TXNDC15: variants seen among roughly 807,000 people sequenced by gnomAD.
TXNDC15 encodes the protein thioredoxin domain containing 15, also known as thioredoxin domain-containing protein 15.
TXNDC15 carries 24 observed loss-of-function variants against 35.0 expected under a neutral mutation model. The ratio of observed to expected loss-of-function variants is 0.68; its 90% CI spans 0.50 to 0.96. TXNDC15 has a LOEUF of 0.96. Among genes scored for constraint, TXNDC15 ranks in the 40% least tolerant of loss-of-function variants. The pLI is 0.00. For missense variants in TXNDC15, 385 were observed against 453.3 expected, an observed-to-expected ratio of 0.85 and a Z score of 1.37; for synonymous variants, 169 against 174.0, an observed-to-expected ratio of 0.97 and a Z score of 0.23.
At position 134,874,391 on chromosome 5, in the gene TXNDC15, C is replaced by T. The variant is rs373301510; in HGVS notation, c.-37C>T. 9 of 1,529,590 alleles carry T rather than the reference C, an allele frequency of 5.9e-6. No individual in the cohort carries two copies. The highest frequency in any genetic ancestry group is 3.7e-5 in the Admixed American group (2 of 54,062). The allele number at this position is 1,529,590 out of a possible 1,614,324, so 94.8% of individuals were successfully genotyped here. A position where few individuals can be genotyped will look rare whatever the true frequency, so the allele number is the denominator to read the frequency against. ...CCTTCCTCCGGCTGGCAGCACGACT[C>T]GCGTAGCCGTGCGCCGATTGCCTCT... On this transcript the variant is annotated 5_prime_UTR_variant, in exon 1 of 5. Transcript: ENST00000358387.
chr5:134,881,761 C>A (rs1318938727), intron 1 of TXNDC15, among the ~76,000 whole-genome samples: 2 of 146,898 alleles, frequency 1.4e-5, no homozygotes, highest in African/African-American at 2.5e-5. Context: ...CCAGTAGGGG[C>A]GGCCGGGCAG....
chr5:134,880,571 G>A lies in TXNDC15; in HGVS notation c.103+6041G>A, dbSNP rs145681250. Among the ~76,000 whole-genome samples, 454 of 151,976 alleles carry A rather than the reference G, an allele frequency of 3.0e-3. 1 individual carries two copies. Among genetic ancestry groups the A allele is most frequent in the South Asian group, 5.0e-3 (24 of 4,814 alleles). ...CTTGCCTCGGCCTCCCGAGCAGCTGGGATTACGGGCGCCCGCTACCATGCC... is the reference window on the plus strand; with the variant it reads ...CTTGCCTCGGCCTCCCGAGCAGCTGAGATTACGGGCGCCCGCTACCATGCC... On this transcript the variant is annotated intron_variant, in intron 1 of 4. Transcript: ENST00000358387.
At chr5:134,887,666 A>G in intron 1 of TXNDC15, 29 bp from the exon 2 acceptor site, 1 of 1,528,552 alleles carries the variant, frequency 6.5e-7, no homozygotes, top group Middle Eastern at 1.8e-4. Flanking sequence ...GAAGTCAAAT[A>G]TGACTCTGAA....
chr5:134,889,247 C>T (rs1276760094), intron 2 of TXNDC15, among the ~76,000 whole-genome samples: 1 of 152,062 alleles, frequency 6.6e-6, no homozygotes, highest in Non-Finnish European at 1.5e-5. Context: ...TTTTTTGACA[C>T]AGAGTCTCAC....
At chr5:134,884,544 G>A (rs1396662296) in intron 1 of TXNDC15, among the ~76,000 whole-genome samples, 2 of 150,442 alleles carry the variant, frequency 1.3e-5, no homozygotes, top group Non-Finnish European at 2.9e-5. Flanking sequence ...CACCGAGCCC[G>A]GCCAATTTGA....
intron 1 of TXNDC15, among the ~76,000 whole-genome samples, chr5:134,880,134 G>A (rs551005627): frequency 2.0e-4 from 30 of 152,156 alleles, no homozygotes; most frequent in African/African-American, 7.2e-4. Context: ...TGTATCCTCA[G>A]ATTGCTCCTA....
At chr5:134,892,765 G>A (rs1202597854) in intron 2 of TXNDC15, 1 of 152,150 alleles carries the variant, frequency 6.6e-6, no homozygotes, top group Admixed American at 6.6e-5. Context: ...GGCCACTGTA[G>A]GGTTATTAAT....
chr5:134,890,133 T>G (rs1750358705), intron 2 of TXNDC15, among the ~76,000 whole-genome samples: 1 of 151,314 alleles, frequency 6.6e-6, no homozygotes, highest in African/African-American at 2.4e-5. Context: ...CAGGCTCAAG[T>G]GATCCTCCCA....
chr5:134,884,219 CAAAAAAAAA>C (rs372857992), intron 1 of TXNDC15, among the ~76,000 whole-genome samples: 1 of 89,530 alleles, frequency 1.1e-5, no homozygotes, highest in African/African-American at 3.8e-5. Flanking sequence ...GACTCAGTTT[CAAAAAAAAA>C]AAAAAAAAGG....
At chr5:134,886,180 T>G (rs1340200437) in intron 1 of TXNDC15, among the ~76,000 whole-genome samples, 2 of 152,266 alleles carry the variant, frequency 1.3e-5, no homozygotes, top group Non-Finnish European at 2.9e-5. Context: ...CATGTACATC[T>G]GTTATGCATC....
intron 1 of TXNDC15, among the ~76,000 whole-genome samples, chr5:134,882,612 CG>C (rs1454523757): frequency 6.6e-6 from 1 of 152,248 alleles, no homozygotes; most frequent in Admixed American, 6.5e-5. Flanking sequence ...CCGAGGCTGG[CG>C]GATCACTCGC....
intron 1 of TXNDC15, among the ~76,000 whole-genome samples, chr5:134,880,044 CCTT>C (rs1231602200): frequency 6.6e-6 from 1 of 152,166 alleles, no homozygotes; most frequent in Non-Finnish European, 1.5e-5. Flanking sequence ...GATCCGCCCT[CCTT>C]GGCCTCCCAA....
intron 1 of TXNDC15, among the ~76,000 whole-genome samples, chr5:134,886,644 G>A (rs1252384958): frequency 6.6e-6 from 1 of 152,256 alleles, no homozygotes; most frequent in Non-Finnish European, 1.5e-5. Flanking sequence ...ACTCCCAAGG[G>A]CAGCAGCCCA....
chr5:134,879,154 T>A (rs1750093918), intron 1 of TXNDC15, among the ~76,000 whole-genome samples: 1 of 152,224 alleles, frequency 6.6e-6, no homozygotes, highest in African/African-American at 2.4e-5. Context: ...GATTTTTTTG[T>A]TCCTAATCTG....
At chr5:134,891,793 T>C (rs953870910) in intron 2 of TXNDC15, among the ~76,000 whole-genome samples, 1 of 152,014 alleles carries the variant, frequency 6.6e-6, no homozygotes, top group Non-Finnish European at 1.5e-5. Context: ...GGCATGGTGG[T>C]GGGCACCAGC....
At position 134,899,491 on chromosome 5, in the gene TXNDC15, A is replaced by T. The variant is rs2150192032; in HGVS notation, c.889A>T (p.Ile297Leu). Residue 297 changes from isoleucine to leucine, a missense_variant and splice_region_variant, in exon 5 of 5, where the codon ATA becomes TTA. Coordinates refer to ENST00000358387, the MANE Select transcript of TXNDC15 (RefSeq NM_024715.4). ...GAAACCAGTGATTTTTCTTTCAGGT[A>T]TAGAAGCCAAGAAGAATGTGGTGGT... ...LKIFIFNQTG[I>L]EAKKNVVVTQ... is the part of the protein sequence containing the mutation. The T allele has an allele frequency of 6.2e-7, 1 of 1,610,166 alleles. No homozygotes were observed. Among genetic ancestry groups the T allele is most frequent in the Non-Finnish European group, 8.5e-7 (1 of 1,179,220 alleles).
chr5:134,886,341 C>T lies in TXNDC15; in HGVS notation c.104-1354C>T, dbSNP rs1157499465. ...TTGGCACGCAGAACTCATCACCCAGCGGGTGGTTTCTTAACCACATGGTGA... is the reference window on the plus strand; with the variant it reads ...TTGGCACGCAGAACTCATCACCCAGTGGGTGGTTTCTTAACCACATGGTGA... On this transcript the variant is annotated intron_variant, in intron 1 of 4. Transcript: ENST00000358387. 6.6e-5 allele frequency among the ~76,000 whole-genome samples: 10 copies of T among 152,356 alleles called. No individual in the cohort carries two copies. In the South Asian group the frequency reaches 8.3e-4, roughly 13 times the overall value.
chr5:134,886,322 C>T (rs72800361), intron 1 of TXNDC15, among the ~76,000 whole-genome samples: 3,035 of 152,322 alleles, frequency 0.02, 63 homozygotes, highest in Non-Finnish European at 0.032. Flanking sequence ...GCTGTTGGCA[C>T]GCAGAACTCA....
chr5:134,896,115 A>C, intron 3 of TXNDC15, 179 bp from the exon 4 acceptor site: 1 of 584,098 alleles, frequency 1.7e-6, no homozygotes, highest in Middle Eastern at 4.9e-4. Flanking sequence ...CCCCCCAGCC[A>C]TGACCCATAA....
Sources: allele counts gnomAD v4.1 joint callset (sites outside exome capture counted in the v4.1 genomes callset), GRCh38; gene constraint gnomAD v4.1.1; transcripts MANE v1.5; gene names NCBI Gene and HGNC (gene_info 2026-07-23, HGNC 2026-07-21).